AGBL2: variants seen among roughly 807,000 people sequenced by gnomAD.
AGBL2 encodes the protein cytosolic carboxypeptidase 2.
AGBL2 carries 87 observed loss-of-function variants against 103.0 expected under a neutral mutation model. The ratio of observed to expected loss-of-function variants is 0.84; its 90% CI spans 0.71 to 1.01. The LOEUF (loss-of-function observed/expected upper bound fraction) is 1.01, where lower values mean the gene tolerates loss of function less well. Among genes scored for constraint, AGBL2 ranks in the 50% least tolerant of loss-of-function variants. The pLI is 0.00. For synonymous variants in AGBL2, 335 were observed against 356.7 expected (o/e 0.94, Z 0.69); for missense variants, 904 against 1,023.5 (o/e 0.88, Z 1.59).
At chr11:47,665,440 C>T (rs2097338992) in intron 17 of AGBL2, among the ~76,000 whole-genome samples, 1 of 152,014 alleles carries the variant, frequency 6.6e-6, no homozygotes, top group Non-Finnish European at 1.5e-5. Flanking sequence ...AAGCAGTCCT[C>T]CTCTCTCAGC....
In AGBL2 at chr11:47,690,546, C is replaced by T. The variant is rs754442728; in HGVS notation, c.1161G>A (p.Gln387=). Residue 387 remains glutamine (Q), a synonymous_variant, in exon 10 of 19, where the codon CAG becomes CAA. Coordinates refer to ENST00000525123, the MANE Select transcript of AGBL2 (RefSeq NM_024783.4). ...LTWTIQFPYD[Q]DTCFFAHFYP... The stretch of plus-strand genomic sequence containing the variant: ...AGAAGTGTGCAAAGAAGCAAGTGTC[C>T]TGGTCATATGGAAACTGAATGGTCC... 1.2e-6 allele frequency: 2 copies of T among 1,614,122 alleles called. No homozygotes were observed. The highest frequency in any genetic ancestry group is 1.6e-4 in the Middle Eastern group (1 of 6,062).
intron 7 of AGBL2, among the ~76,000 whole-genome samples, chr11:47,704,174 A>G (rs1338721283): frequency 1.3e-5 from 2 of 151,986 alleles, no homozygotes; most frequent in East Asian, 3.9e-4. Context: ...TAACATTCTC[A>G]GATCTTGTAA....
chr11:47,710,547 G>A (rs2097533824), intron 3 of AGBL2, 36 bp from the exon 4 acceptor site: 1 of 1,611,194 alleles, frequency 6.2e-7, no homozygotes, highest in African/African-American at 1.3e-5. Context: ...TTGCTGGAAG[G>A]CCGACTCATC....
At chr11:47,701,632 T>C (rs1222660620) in intron 7 of AGBL2, among the ~76,000 whole-genome samples, 1 of 152,002 alleles carries the variant, frequency 6.6e-6, no homozygotes. Context: ...GGGAGTAGCC[T>C]GGGCAACATA....
chr11:47,668,500 C>CA (rs1229040355), intron 15 of AGBL2, among the ~76,000 whole-genome samples: 1 of 151,916 alleles, frequency 6.6e-6, no homozygotes, highest in Admixed American at 6.6e-5. Context: ...AACAAACAAA[C>CA]AAAAAAACAC....
chr11:47,659,989 C>CATGAGGT lies in AGBL2; in HGVS notation c.*177_*183dup. On this transcript the variant is annotated 3_prime_UTR_variant, in exon 19 of 19. Transcript: ENST00000525123. Reference sequence around the variant, plus strand: ...CATTTTATGAAAAAATAGTTGAATTCATGAGGTATGCATCTTGACCACATG... The same window carrying CATGAGGT: ...CATTTTATGAAAAAATAGTTGAATTCATGAGGTATGAGGTATGCATCTTGACCACATG... 4.2e-6 allele frequency: 2 copies of CATGAGGT among 479,150 alleles called. No homozygotes were observed. Among genetic ancestry groups the CATGAGGT allele is most frequent in the Non-Finnish European group, 7.0e-6 (2 of 287,490 alleles). The allele number at this position is 479,150 out of a possible 1,614,324, so 29.7% of individuals were successfully genotyped here.
Position 47,714,315 on chromosome 11 carries a change from G to A in AGBL2, c.66C>T (p.Tyr22=), listed in dbSNP as rs931499459. ...TIPDPYEDFM[Y]RHLQYYGYFK... ...AGTAGCCATAATATTGGAGGTGACG[G>A]TACATAAAGTCTTCATAAGGATCAG... Residue 22 remains tyrosine (Y), a synonymous_variant, in exon 3 of 19, where the codon TAC becomes TAT. Transcript: ENST00000525123. 2 of 1,612,362 alleles carry A rather than the reference G, an allele frequency of 1.2e-6. No homozygotes were observed. Among genetic ancestry groups the A allele is most frequent in the Non-Finnish European group, 8.5e-7 (1 of 1,179,282 alleles).
intron 14 of AGBL2, among the ~76,000 whole-genome samples, chr11:47,675,558 T>G (rs1361311294): frequency 6.6e-6 from 1 of 151,772 alleles, no homozygotes; most frequent in East Asian, 1.9e-4. Context: ...CCAGCTAATT[T>G]TTGTATTTTT....
At chr11:47,697,864 T>A (rs2097482244) in intron 8 of AGBL2, among the ~76,000 whole-genome samples, 1 of 150,870 alleles carries the variant, frequency 6.6e-6, no homozygotes, top group Non-Finnish European at 1.5e-5. Context: ...TTTTATTTTT[T>A]ATTTTTTTTT....
At chr11:47,677,434 A>G (rs749061415) in intron 13 of AGBL2, 33 bp from the exon 14 acceptor site, 5 of 1,340,026 alleles carry the variant, frequency 3.7e-6, no homozygotes, top group Non-Finnish European at 4.9e-6. Context: ...TATTTTGTTA[A>G]TTCATTTTAT....
At chr11:47,702,566 G>A (rs138301477) in intron 7 of AGBL2, among the ~76,000 whole-genome samples, 108 of 152,194 alleles carry the variant, frequency 7.1e-4, no homozygotes, top group African/African-American at 2.2e-3. Flanking sequence ...ATATTATAAA[G>A]CAGGGAGACA....
chr11:47,667,784 A>G, intron 15 of AGBL2, 88 bp from the exon 16 acceptor site: 1 of 1,416,754 alleles, frequency 7.1e-7, no homozygotes, highest in Admixed American at 2.0e-5. Context: ...CACTCAAGAC[A>G]CAAAGGCTAA....
At chr11:47,677,683 C>T (rs1362466393) in intron 13 of AGBL2, among the ~76,000 whole-genome samples, 1 of 152,066 alleles carries the variant, frequency 6.6e-6, no homozygotes, top group Non-Finnish European at 1.5e-5. Context: ...GAACTCCCGA[C>T]CTCAGGTGAT....
At chr11:47,675,811 G>A (rs909314593) in intron 14 of AGBL2, among the ~76,000 whole-genome samples, 2 of 152,030 alleles carry the variant, frequency 1.3e-5, no homozygotes, top group Admixed American at 6.6e-5. Flanking sequence ...TTAGAGACCA[G>A]CCTGGGCAAC....
rs1442555500 is a variant in AGBL2, at chr11:47,667,036, G to A, written c.2368C>T (p.Gln790Ter). Residue 790 changes from glutamine (Q) to a stop codon, truncating the protein, a stop_gained, in exon 17 of 19, where the codon CAA (glutamine) becomes TAA (stop). Coordinates refer to ENST00000525123, the MANE Select transcript of AGBL2 (RefSeq NM_024783.4). LOFTEE classifies it high-confidence loss of function. Reference sequence around the variant, plus strand: ...TTTTTGAAAAAGGTTGGCTGCTTTTGCAGAGTAGAAGCAAATCCTGCCTTT... The same window carrying A: ...TTTTTGAAAAAGGTTGGCTGCTTTTACAGAGTAGAAGCAAATCCTGCCTTT... ...SEKAGFASTL[Q>*]KQPTFFKNSE... 1.2e-6 allele frequency: 2 copies of A among 1,611,876 alleles called. No individual in the cohort carries two copies. The highest frequency in any genetic ancestry group is 2.2e-5 in the South Asian group (2 of 90,758).
At chr11:47,696,963 T>G (rs888375267) in intron 8 of AGBL2, among the ~76,000 whole-genome samples, 21 of 152,170 alleles carry the variant, frequency 1.4e-4, no homozygotes, top group African/African-American at 5.1e-4. Context: ...AGAGTCTCGC[T>G]CTGTCACCCA....
At chr11:47,687,980 G>A (rs1172576029) in intron 10 of AGBL2, among the ~76,000 whole-genome samples, 1 of 151,562 alleles carries the variant, frequency 6.6e-6, no homozygotes, top group Non-Finnish European at 1.5e-5. Context: ...GCTAATTTTT[G>A]TATTTTTAGT....
At chr11:47,704,783 T>C in intron 6 of AGBL2, 55 bp from the exon 7 acceptor site, 1 of 1,410,338 alleles carries the variant, frequency 7.1e-7, no homozygotes, top group South Asian at 1.2e-5. Context: ...TTGGGAACTT[T>C]ACTGCTCATC....
At chr11:47,666,030 AACAC>A (rs2097340325) in intron 17 of AGBL2, among the ~76,000 whole-genome samples, 1 of 151,788 alleles carries the variant, frequency 6.6e-6, no homozygotes, top group Non-Finnish European at 1.5e-5. Flanking sequence ...CAAAAAAGAA[AACAC>A]ACAAAGTGTT....
Sources: allele counts gnomAD v4.1 joint callset (sites outside exome capture counted in the v4.1 genomes callset), GRCh38; gene constraint gnomAD v4.1.1; transcripts MANE v1.5; gene names NCBI Gene and HGNC (gene_info 2026-07-23, HGNC 2026-07-21).